The following RAI14 variants were observed in gnomAD, a reference collection of about 807,000 sequenced individuals.
The protein encoded by RAI14 is retinoic acid induced 14.
RAI14 carries 45 observed loss-of-function variants against 115.4 expected under a neutral mutation model. The ratio of observed to expected loss-of-function variants is 0.39; its 90% CI spans 0.31 to 0.50. RAI14 has a LOEUF of 0.50. Among genes scored for constraint, RAI14 ranks in the 20% least tolerant of loss-of-function variants. The probability of loss-of-function intolerance (pLI) is 0.85; values close to 1 mark genes in which losing one functional copy is unlikely to be tolerated. For missense variants in RAI14, 939 were observed against 1,131.2 expected (o/e 0.83, Z 2.44); for synonymous variants, 371 against 415.4 (o/e 0.89, Z 1.30).
chr5:34,666,509 C>G (rs961728182), intron 1 of RAI14, among the ~76,000 whole-genome samples: 1 of 152,210 alleles, frequency 6.6e-6, no homozygotes, highest in Non-Finnish European at 1.5e-5. Flanking sequence ...AGTTGAGGAA[C>G]TGACCCTCAG....
At chr5:34,799,399 C>T (rs1053558883) in intron 4 of RAI14, among the ~76,000 whole-genome samples, 2 of 151,650 alleles carry the variant, frequency 1.3e-5, no homozygotes, top group Non-Finnish European at 2.9e-5. Flanking sequence ...ATGCAGTCAC[C>T]TTCAATCTGA....
intron 2 of RAI14, among the ~76,000 whole-genome samples, chr5:34,691,987 G>T (rs1363458290): frequency 6.6e-6 from 1 of 152,206 alleles, no homozygotes; most frequent in South Asian, 2.1e-4. Flanking sequence ...TGGCGGTGGG[G>T]TGTGGTGGCT....
intron 5 of RAI14, among the ~76,000 whole-genome samples, chr5:34,806,558 G>GA (rs1754918354): frequency 1.3e-5 from 2 of 151,980 alleles, no homozygotes; most frequent in Admixed American, 1.3e-4. Flanking sequence ...GAGTTTTGGA[G>GA]AAAAAAGTTG....
intron 2 of RAI14, chr5:34,715,954 A>G (rs929281552): frequency 6.2e-6 from 2 of 324,670 alleles, no homozygotes; most frequent in South Asian, 2.5e-5. Context: ...TTTTTTAAAA[A>G]AAGAAAAAGC....
chr5:34,757,873 C>A, intron 3 of RAI14: 1 of 230,726 alleles, frequency 4.3e-6, no homozygotes, highest in Admixed American at 5.3e-5. Context: ...ATTCTCTCTT[C>A]GATAAGAAAT....
intron 1 of RAI14, among the ~76,000 whole-genome samples, chr5:34,662,721 ATTTTTTTTTTTTTTTTT>A (rs746930489): frequency 1.1e-5 from 1 of 91,886 alleles, no homozygotes; most frequent in Non-Finnish European, 2.0e-5. Flanking sequence ...ATTTAAACAG[ATTTTTTTTTTTTTTTTT>A]TTTTTTTAGA....
At position 34,750,675 on chromosome 5, in the gene RAI14, G is replaced by A. The variant is rs552367023; in HGVS notation, c.37-6793G>A. On this transcript the variant is annotated intron_variant, in intron 2 of 17. Coordinates refer to ENST00000265109, the MANE Select transcript of RAI14 (RefSeq NM_015577.3). ...TATGGAGAAAAGTACACAAAACCAT[G>A]TACGTTCTAACAAGTAGTTATAAAG... is the stretch of plus-strand genomic sequence containing the variant. Among the ~76,000 whole-genome samples the A allele has an allele frequency of 3.9e-5, 6 of 152,006 alleles. No individual in the cohort carries two copies. The South Asian group carries it at 1.2e-3, about 32-fold the overall frequency.
chr5:34,678,274 T>C (rs1229678314), intron 1 of RAI14, among the ~76,000 whole-genome samples: 1 of 152,146 alleles, frequency 6.6e-6, no homozygotes, highest in Non-Finnish European at 1.5e-5. Context: ...AAAATTCTTA[T>C]TTGACTGGTA....
intron 3 of RAI14, among the ~76,000 whole-genome samples, chr5:34,780,737 T>A (rs887119314): frequency 1.3e-5 from 2 of 152,122 alleles, no homozygotes; most frequent in Non-Finnish European, 2.9e-5. Flanking sequence ...CTGGAGAGGA[T>A]GTGGAGAAAC....
intron 3 of RAI14, among the ~76,000 whole-genome samples, chr5:34,794,708 C>G (rs1385024933): frequency 6.6e-6 from 1 of 152,136 alleles, no homozygotes; most frequent in Admixed American, 6.5e-5. Context: ...CCAAAACACA[C>G]AGATAATTAT....
At chr5:34,810,558 G>A (rs895344394) in intron 7 of RAI14, among the ~76,000 whole-genome samples, 1 of 152,018 alleles carries the variant, frequency 6.6e-6, no homozygotes, top group Non-Finnish European at 1.5e-5. Context: ...GTACACTTTC[G>A]GTAAAAGTGG....
At position 34,698,797 on chromosome 5, in the gene RAI14, C is replaced by T. The variant is rs1313577911; in HGVS notation, c.36+11842C>T. Among the ~76,000 whole-genome samples, 16 of 152,088 alleles carry T rather than the reference C, an allele frequency of 1.1e-4. 1 individual carries two copies. The highest frequency in any genetic ancestry group is 1.0e-3 in the Admixed American group (16 of 15,256). On this transcript the variant is annotated intron_variant, in intron 2 of 17. Coordinates refer to ENST00000265109, the MANE Select transcript of RAI14 (RefSeq NM_015577.3). The stretch of plus-strand genomic sequence containing the variant: ...TGAGGTTTCAAGTTGATTACATTTT[C>T]ACTGTAGGATGATTTGGGGTTTTGA...
intron 2 of RAI14, among the ~76,000 whole-genome samples, chr5:34,701,007 A>G (rs963668047): frequency 3.3e-5 from 5 of 152,186 alleles, no homozygotes; most frequent in Non-Finnish European, 7.3e-5. Context: ...CCTTACCAGA[A>G]ACATAAGAAA....
At chr5:34,758,219 C>T (rs924938864) in intron 3 of RAI14, among the ~76,000 whole-genome samples, 1 of 152,166 alleles carries the variant, frequency 6.6e-6, no homozygotes, top group Non-Finnish European at 1.5e-5. Context: ...CTCTGAACCT[C>T]AGTTTCCTTA....
chr5:34,674,439 T>G (rs965577672), intron 1 of RAI14, among the ~76,000 whole-genome samples: 1 of 152,178 alleles, frequency 6.6e-6, no homozygotes, highest in Non-Finnish European at 1.5e-5. Context: ...GTAAGCCAAC[T>G]TCTGGCAATT....
intron 2 of RAI14, chr5:34,733,172 G>A (rs1744413093): frequency 2.0e-5 from 3 of 152,128 alleles, no homozygotes; most frequent in Admixed American, 2.0e-4. Context: ...TGAGGCACAA[G>A]GTTAAAGAAA....
chr5:34,818,669 C>T, intron 12 of RAI14, 128 bp from the exon 13 acceptor site: 1 of 599,586 alleles, frequency 1.7e-6, no homozygotes, highest in Non-Finnish European at 2.8e-6. Flanking sequence ...TCGAGATTTT[C>T]TAGCTGCTTT....
At chr5:34,817,284 A>AT (rs1554011294) in intron 12 of RAI14, among the ~76,000 whole-genome samples, 1 of 151,710 alleles carries the variant, frequency 6.6e-6, no homozygotes, top group Non-Finnish European at 1.5e-5. Context: ...AAAAAAAAAA[A>AT]AAAAAGAAAA....
intron 2 of RAI14, among the ~76,000 whole-genome samples, chr5:34,742,653 T>G (rs577997157): frequency 6.6e-6 from 1 of 151,638 alleles, no homozygotes; most frequent in Non-Finnish European, 1.5e-5. Flanking sequence ...TGTTTTTTGT[T>G]TTTTTTGTTT....
Sources: gnomAD v4.1 joint callset for allele counts (sites outside exome capture counted in the v4.1 genomes callset) on GRCh38, gnomAD v4.1.1 for gene constraint, MANE v1.5 for transcripts, NCBI Gene and HGNC (gene_info 2026-07-23, HGNC 2026-07-21) for gene names.